The following ZNF711 variants were observed in gnomAD, a reference collection of about 807,000 sequenced individuals.
The protein encoded by ZNF711 is ZFX family zinc finger ZNF711.
Under a neutral mutation model 43.5 loss-of-function variants are expected in ZNF711, and 3 were observed. The ratio of observed to expected loss-of-function variants is 0.07; its 90% CI spans 0.03 to 0.18. ZNF711 has a LOEUF of 0.18. ZNF711 is among the 10% of genes least tolerant of loss of function. The probability of loss-of-function intolerance (pLI) is 1.00; values close to 1 mark genes in which losing one functional copy is unlikely to be tolerated. For missense variants in ZNF711, 412 were observed against 604.0 expected (o/e 0.68, Z 3.33); for synonymous variants, 209 against 207.7 (o/e 1.01, Z -0.06).
chrX:85,255,459 C>T lies in ZNF711; in HGVS notation c.280C>T (p.Leu94Phe). 5 of 1,211,524 alleles carry T rather than the reference C, an allele frequency of 4.1e-6. No individual in the cohort carries two copies. Among genetic ancestry groups the T allele is most frequent in the Non-Finnish European group, 5.6e-6 (5 of 895,400 alleles). The change falls in exon 5 of 11, where the codon CTT (leucine) becomes TTT (phenylalanine). Residue 94 changes from leucine (L) to phenylalanine (F), a missense_variant. Leu to Phe is a conservative substitution (Grantham distance 22). This residue lies in a region of ZNF711 where 375 missense variants were observed against 514.2 expected (regional missense o/e 0.73). Transcript: ENST00000674551. ...AGGTGTGATTGTTCCTGAAGCGGTA[C>T]TTGAAGCTGATGTTGCCATTGAAGA... ...TEGVIVPEAV[L>F]EADVAIEEDL...
At chrX:85,268,100 G>A (rs2075061728) in intron 8 of ZNF711, among the ~76,000 whole-genome samples, 194 bp from the exon 9 acceptor site, 1 of 110,346 alleles carries the variant, frequency 9.1e-6, no homozygotes, top group Admixed American at 9.7e-5. Flanking sequence ...TTCCAAGGAT[G>A]CTGAACAGCA....
At chrX:85,263,298 T>G (rs1930825576) in intron 5 of ZNF711, among the ~76,000 whole-genome samples, 1 of 111,139 alleles carries the variant, frequency 9.0e-6, no homozygotes, top group African/African-American at 3.2e-5. Flanking sequence ...TTTAAGTGTA[T>G]TTAAAATGTA....
chrX:85,248,912 T>C (rs73511701), intron 4 of ZNF711, among the ~76,000 whole-genome samples: 8,797 of 111,723 alleles, frequency 0.079, 764 homozygotes, highest in African/African-American at 0.26. Flanking sequence ...CGTATTCTAG[T>C]CATGGCAGTG....
chrX:85,264,464 A>T (rs772306648), intron 6 of ZNF711, 34 bp downstream of exon 6: 4 of 1,140,673 alleles, frequency 3.5e-6, no homozygotes, highest in East Asian at 6.1e-5. Flanking sequence ...TTGCTCCAAT[A>T]GGAGTTATAA....
chrX:85,272,109 CA>C lies in ZNF711; in HGVS notation c.*284del, dbSNP rs1281154489. 4 of 280,536 alleles carry C rather than the reference CA, an allele frequency of 1.4e-5. No individual in the cohort carries two copies. Among genetic ancestry groups the C allele is most frequent in the Non-Finnish European group, 2.5e-5 (4 of 160,086 alleles). The allele number at this position is 280,536 out of a possible 1,213,427, so 23.1% of individuals were successfully genotyped here. A position where few individuals can be genotyped will look rare whatever the true frequency, so the allele number is the denominator to read the frequency against. ...ATACTTAAACTACAGAGGGGAAAAG[CA>C]AAGACAAATACTTTATTTGGCTGAT... On this transcript the variant is annotated 3_prime_UTR_variant, in exon 11 of 11. Transcript: ENST00000674551.
In ZNF711 at chrX:85,267,322, G is replaced by A; in HGVS notation, c.961G>A (p.Gly321Arg). The stretch of plus-strand genomic sequence containing the variant: ...TGAAGTTTACATGGAAGTCATTGTA[G>A]GGGAAGAGGAAGGAACTTCTCTCCC... Reference protein sequence around the residue: ...ADEVYMEVIVGEEEGTSLPEI... With the variant: ...ADEVYMEVIVREEEGTSLPEI... The change falls in exon 8 of 11, where the codon GGG (glycine) becomes AGG (arginine). Residue 321 changes from glycine to arginine, a missense_variant. Transcript: ENST00000674551. 8.7e-7 allele frequency: 1 copy of A among 1,144,150 alleles called. No individual in the cohort carries two copies. The highest frequency in any genetic ancestry group is 2.0e-5 in the South Asian group (1 of 51,048). 94.3% of individuals were successfully genotyped at this position (1,144,150 alleles called of 1,213,427 possible). A position where few individuals can be genotyped will look rare whatever the true frequency, so the allele number is the denominator to read the frequency against.
Position 85,270,917 on chromosome X carries a change from A to G in ZNF711, c.1513A>G (p.Ser505Gly), listed in dbSNP as rs771406031. The G allele has an allele frequency of 8.3e-7, 1 of 1,210,631 alleles. No individual in the cohort carries two copies. Among genetic ancestry groups the G allele is most frequent in the South Asian group, 1.8e-5 (1 of 56,854 alleles). ...ATACACACGAAGATACAGAGAGGCT[A>G]GTCCACTGAGTTCCAATAAACTTAT... Reference protein sequence around the residue: ...TEYTRRYREASPLSSNKLILR... With the variant: ...TEYTRRYREAGPLSSNKLILR... The change falls in exon 11 of 11, where the codon AGT (serine) becomes GGT (glycine). Residue 505 changes from serine (S) to glycine (G), a missense_variant. Physicochemically the swap from Ser to Gly is moderately conservative, Grantham distance 56 (BLOSUM62 0). Coordinates refer to ENST00000674551, the MANE Select transcript of ZNF711 (RefSeq NM_001330574.2).
intron 5 of ZNF711, among the ~76,000 whole-genome samples, chrX:85,263,851 G>C (rs1346500936): frequency 9.1e-6 from 1 of 110,473 alleles, no homozygotes; most frequent in East Asian, 2.8e-4. Context: ...AACTGATCTT[G>C]TGTACTGTTT....
chrX:85,261,551 A>G (rs935222177), intron 5 of ZNF711, among the ~76,000 whole-genome samples: 7 of 111,175 alleles, frequency 6.3e-5, no homozygotes, highest in African/African-American at 2.0e-4. Flanking sequence ...CTCACCATAT[A>G]ATTTTGGTAG....
At chrX:85,252,098 T>A (rs1929599682) in intron 4 of ZNF711, among the ~76,000 whole-genome samples, 1 of 111,928 alleles carries the variant, frequency 8.9e-6, no homozygotes, top group Admixed American at 9.5e-5. Context: ...CAGTGGAATC[T>A]AACAGATGAA....
intron 7 of ZNF711, among the ~76,000 whole-genome samples, chrX:85,266,236 A>C (rs1413078654): frequency 8.9e-6 from 1 of 111,757 alleles, no homozygotes; most frequent in East Asian, 2.8e-4. Context: ...TAGGGTGCTG[A>C]ATTCCACCCC....
intron 5 of ZNF711, among the ~76,000 whole-genome samples, chrX:85,261,089 G>A (rs1207910464): frequency 9.0e-6 from 1 of 111,245 alleles, no homozygotes; most frequent in Non-Finnish European, 1.9e-5. Flanking sequence ...CTCACATTGA[G>A]TAGGCTGAAG....
intron 7 of ZNF711, 122 bp downstream of exon 7, chrX:85,265,377 C>T (rs1006435196): frequency 6.4e-5 from 48 of 746,189 alleles, no homozygotes; most frequent in Non-Finnish European, 9.9e-6. Context: ...GATCCTTTGA[C>T]CCTTTGCTGT....
chrX:85,253,799 A>ACACACC (rs1929776155), intron 4 of ZNF711, among the ~76,000 whole-genome samples: 3 of 110,618 alleles, frequency 2.7e-5, no homozygotes, highest in Middle Eastern at 4.7e-3. Flanking sequence ...ACACACACAC[A>ACACACC]CAGACACCCT....
Position 85,268,297 on chromosome X carries a change from A to C in ZNF711, c.1058A>C (p.Asp353Ala). ...TTTTTTTTTTTTTTTTTTTTAGGAG[A>C]TGAAAGAAGAGTTTCCCGAAGGTAT... ...VPVVWAAAYG[D>A]ERRVSRRYED... is the part of the protein sequence containing the mutation. The change falls in exon 9 of 11, where the codon GAT (aspartate) becomes GCT (alanine). Residue 353 changes from aspartate to alanine, a missense_variant. By Grantham distance (126) the Asp-to-Ala change is moderately radical. This residue lies in a region of ZNF711 where 375 missense variants were observed against 514.2 expected (regional missense o/e 0.73). Coordinates refer to ENST00000674551, the MANE Select transcript of ZNF711 (RefSeq NM_001330574.2). 1.0e-6 allele frequency: 1 copy of C among 971,863 alleles called. No individual in the cohort carries two copies. The highest frequency in any genetic ancestry group is 1.4e-6 in the Non-Finnish European group (1 of 715,955). 80.1% of individuals were successfully genotyped at this position (971,863 alleles called of 1,213,427 possible). A position where few individuals can be genotyped will look rare whatever the true frequency, so the allele number is the denominator to read the frequency against.
intron 4 of ZNF711, among the ~76,000 whole-genome samples, chrX:85,253,218 T>G (rs765191246): frequency 8.9e-6 from 1 of 111,831 alleles, no homozygotes; most frequent in African/African-American, 3.2e-5. Flanking sequence ...CCTACAGATT[T>G]ACTATTATCA....
At position 85,268,291 on chromosome X, in the gene ZNF711, T is replaced by C; in HGVS notation, c.1055-3T>C. 1.7e-6 allele frequency: 2 copies of C among 1,151,870 alleles called. No individual in the cohort carries two copies. Among genetic ancestry groups the C allele is most frequent in the African/African-American group, 1.9e-5 (1 of 53,479 alleles). 94.9% of individuals were successfully genotyped at this position (1,151,870 alleles called of 1,213,427 possible). A position where few individuals can be genotyped will look rare whatever the true frequency, so the allele number is the denominator to read the frequency against. On this transcript the variant is annotated splice_region_variant and splice_polypyrimidine_tract_variant and intron_variant, in intron 8 of 10. Transcript: ENST00000674551. Reference sequence around the variant, plus strand: ...GTCTTTTTTTTTTTTTTTTTTTTTTTAGGAGATGAAAGAAGAGTTTCCCGA... The same window carrying C: ...GTCTTTTTTTTTTTTTTTTTTTTTTCAGGAGATGAAAGAAGAGTTTCCCGA...
At chrX:85,256,469 A>T in intron 5 of ZNF711, among the ~76,000 whole-genome samples, 1 of 112,033 alleles carries the variant, frequency 8.9e-6, no homozygotes, top group Non-Finnish European at 1.9e-5. Context: ...AAATATCTTG[A>T]TAAGTTATTG....
At chrX:85,269,532 C>T (rs1447264854) in intron 9 of ZNF711, among the ~76,000 whole-genome samples, 1 of 108,870 alleles carries the variant, frequency 9.2e-6, no homozygotes, top group Non-Finnish European at 1.9e-5. Flanking sequence ...AGGTGCATGC[C>T]ACCATGCCTG....
Sources: gnomAD v4.1 joint callset for allele counts (sites outside exome capture counted in the v4.1 genomes callset) on GRCh38, gnomAD v4.1.1 for gene constraint, gnomAD v4.1.1 regional missense constraint, MANE v1.5 for transcripts, NCBI Gene and HGNC (gene_info 2026-07-23, HGNC 2026-07-21) for gene names.